Variants in AUH observed in about 807,000 individuals in gnomAD.
AUH encodes the protein methylglutaconyl-CoA hydratase, mitochondrial.
Under a neutral mutation model 42.3 loss-of-function variants are expected in AUH, and 29 were observed. The observed-to-expected ratio is 0.69, with a 90% CI of 0.51 to 0.93. The LOEUF (loss-of-function observed/expected upper bound fraction) is 0.93, where lower values mean the gene tolerates loss of function less well. Among genes scored for constraint, AUH ranks in the 40% least tolerant of loss-of-function variants. The pLI is 0.00. For synonymous variants in AUH, 174 were observed against 166.4 expected, an observed-to-expected ratio of 1.05 and a Z score of -0.35; for missense variants, 452 against 438.1, an observed-to-expected ratio of 1.03 and a Z score of -0.28.
At chr9:91,284,540 G>GTTGCAGGTCAAAGCTCAGGTAA (rs1826242994) in intron 6 of AUH, among the ~76,000 whole-genome samples, 1 of 152,130 alleles carries the variant, frequency 6.6e-6, no homozygotes, top group Non-Finnish European at 1.5e-5. Flanking sequence ...TACAGAATGG[G>GTTGCAGGTCAAAGCTCAGGTAA]AGAAAATTTT....
At chr9:91,296,222 T>C in intron 5 of AUH, 145 bp from the exon 6 acceptor site, 4 of 784,786 alleles carry the variant, frequency 5.1e-6, no homozygotes, top group South Asian at 3.4e-5. Flanking sequence ...TTAAAAGGCA[T>C]TGTTATGGAA....
chr9:91,361,509 G>T, intron 1 of AUH, 119 bp downstream of exon 1: 1 of 1,391,404 alleles, frequency 7.2e-7, no homozygotes, highest in Non-Finnish European at 9.6e-7. Flanking sequence ...AGGGACCCAG[G>T]TTCGGTGCGC....
intron 5 of AUH, 35 bp downstream of exon 5, chr9:91,297,949 T>C: frequency 1.3e-6 from 2 of 1,498,774 alleles, no homozygotes; most frequent in Non-Finnish European, 1.9e-6. Flanking sequence ...ACCTTCACTT[T>C]TTTAAATTAT....
chr9:91,266,976 A>G (rs1830010115), intron 6 of AUH, among the ~76,000 whole-genome samples: 1 of 152,188 alleles, frequency 6.6e-6, no homozygotes, highest in Non-Finnish European at 1.5e-5. Flanking sequence ...TTTTGGTGAG[A>G]AGTCTGAGAA....
intron 9 of AUH, 110 bp downstream of exon 9, chr9:91,215,949 T>G: frequency 8.6e-7 from 1 of 1,157,064 alleles, no homozygotes; most frequent in South Asian, 1.3e-5. Context: ...TGTATGATTT[T>G]GGAATGGGCG....
chr9:91,235,039 A>C (rs1223424514), intron 6 of AUH, among the ~76,000 whole-genome samples: 1 of 151,890 alleles, frequency 6.6e-6, no homozygotes, highest in Non-Finnish European at 1.5e-5. Context: ...GCTCATAGGA[A>C]AGGATGTGAG....
intron 3 of AUH, among the ~76,000 whole-genome samples, chr9:91,350,040 T>C (rs1831841714): frequency 6.6e-6 from 1 of 152,224 alleles, no homozygotes; most frequent in Admixed American, 6.5e-5. Context: ...ATCAACAATA[T>C]ATTAAAATTT....
intron 4 of AUH, among the ~76,000 whole-genome samples, chr9:91,313,823 C>CTT (rs983262629): frequency 4.7e-4 from 26 of 54,832 alleles, no homozygotes; most frequent in Admixed American, 1.3e-3. Flanking sequence ...CATAAACGCT[C>CTT]TTTTTTTTTT....
At chr9:91,286,183 A>G (rs952995891) in intron 6 of AUH, among the ~76,000 whole-genome samples, 1 of 152,176 alleles carries the variant, frequency 6.6e-6, no homozygotes, top group Non-Finnish European at 1.5e-5. Flanking sequence ...AACAAAGGTT[A>G]TAAACAAAGC....
chr9:91,298,074 T>C lies in AUH; in HGVS notation c.508A>G (p.Asn170Asp), dbSNP rs1827491306. The part of the protein sequence containing the change: ...KIRAVINDIA[N>D]LPVPTIAAID... ...GCTGCAATTGTTGGTACTGGAAGAT[T>C]AGCTGAAATGGAAAGAAAATTTTAT... The change falls in exon 5 of 10, where the codon AAT becomes GAT. Residue 170 changes from asparagine to aspartate, a missense_variant and splice_region_variant. Coordinates refer to ENST00000375731, the MANE Select transcript of AUH (RefSeq NM_001698.3). The C allele has an allele frequency of 1.2e-6, 2 of 1,612,662 alleles. No homozygotes were observed. Among genetic ancestry groups the C allele is most frequent in the South Asian group, 1.1e-5 (1 of 91,056 alleles).
chr9:91,287,393 G>A (rs577038890), intron 6 of AUH, among the ~76,000 whole-genome samples: 12 of 152,084 alleles, frequency 7.9e-5, no homozygotes, highest in Non-Finnish European at 1.3e-4. Context: ...CAACGTGGAG[G>A]CCTCAACTGT....
chr9:91,290,085 T>C (rs887531052), intron 6 of AUH, among the ~76,000 whole-genome samples: 6 of 152,148 alleles, frequency 3.9e-5, no homozygotes, highest in African/African-American at 1.2e-4. Context: ...CTTCATGGTA[T>C]TAAAAGAGGA....
At position 91,301,535 on chromosome 9, in the gene AUH, T is replaced by A. The variant is rs1827784156; in HGVS notation, c.506-3459A>T. On this transcript the variant is annotated intron_variant, in intron 4 of 9. Transcript: ENST00000375731. The stretch of plus-strand genomic sequence containing the variant: ...GCCTGGGAAACATGGTGAGACCTCG[T>A]CTTGATTTTTTAAGAAAGAATTTGA... Among the ~76,000 whole-genome samples the A allele has an allele frequency of 2.0e-5, 3 of 152,292 alleles. No homozygotes were observed. In the South Asian group the frequency reaches 6.2e-4, roughly 32 times the overall value.
intron 6 of AUH, among the ~76,000 whole-genome samples, chr9:91,247,096 T>C (rs1828839489): frequency 6.6e-6 from 1 of 152,234 alleles, no homozygotes; most frequent in Admixed American, 6.5e-5. Flanking sequence ...CTCCCACTGC[T>C]GCAACAGCTC....
intron 1 of AUH, among the ~76,000 whole-genome samples, chr9:91,359,081 C>T (rs1324349313): frequency 6.6e-6 from 1 of 152,174 alleles, no homozygotes; most frequent in Non-Finnish European, 1.5e-5. Context: ...CCTGACTTTT[C>T]ACAAAACATA....
chr9:91,330,931 G>A (rs570192199), intron 3 of AUH, among the ~76,000 whole-genome samples: 4 of 152,328 alleles, frequency 2.6e-5, no homozygotes, highest in East Asian at 1.9e-4. Flanking sequence ...CATGTGGGAC[G>A]ACTGTGGTGT....
At chr9:91,252,817 G>A (rs1023149684) in intron 6 of AUH, among the ~76,000 whole-genome samples, 3 of 152,170 alleles carry the variant, frequency 2.0e-5, no homozygotes, top group African/African-American at 7.2e-5. Flanking sequence ...TTGACATGGA[G>A]GTACCAAAAC....
At chr9:91,343,758 G>C (rs1587903326) in intron 3 of AUH, among the ~76,000 whole-genome samples, 1 of 151,994 alleles carries the variant, frequency 6.6e-6, no homozygotes, top group African/African-American at 2.4e-5. Flanking sequence ...TAATCAATCA[G>C]ATATCATTAT....
intron 3 of AUH, among the ~76,000 whole-genome samples, chr9:91,338,737 G>A (rs905599522): frequency 6.6e-6 from 1 of 152,170 alleles, no homozygotes; most frequent in Admixed American, 6.5e-5. Flanking sequence ...TCAAGTGCAA[G>A]AATATATATA....
Sources: gnomAD v4.1 joint callset for allele counts (sites outside exome capture counted in the v4.1 genomes callset) on GRCh38, gnomAD v4.1.1 for gene constraint, MANE v1.5 for transcripts, NCBI Gene and HGNC (gene_info 2026-07-23, HGNC 2026-07-21) for gene names.